Variants in RGS3 observed in about 807,000 individuals in gnomAD.
RGS3 encodes the protein regulator of G protein signaling 3.
A neutral mutation model predicts 132.6 loss-of-function variants in RGS3; 80 were observed. The observed-to-expected ratio is 0.60, with a 90% CI of 0.50 to 0.73. The LOEUF is 0.73. Among genes scored for constraint, RGS3 ranks in the 30% least tolerant of loss-of-function variants. The pLI, the probability that RGS3 is intolerant of heterozygous loss-of-function variation, is 0.00. For missense variants in RGS3, 1,382 were observed against 1,530.8 expected, an observed-to-expected ratio of 0.90 and a Z score of 1.62; for synonymous variants, 598 against 620.6, an observed-to-expected ratio of 0.96 and a Z score of 0.54.
chr9:113,479,654 C>A (rs1166282213), intron 4 of RGS3, 113 bp downstream of exon 2: 1 of 942,912 alleles, frequency 1.1e-6, no homozygotes. Context: ...TTTTCTCATC[C>A]TTGTATAAAG....
intron 19 of RGS3, chr9:113,564,937 TC>T: frequency 1.0e-6 from 1 of 995,630 alleles, no homozygotes; most frequent in East Asian, 1.1e-4. Flanking sequence ...CCTCGGTGCC[TC>T]GGTGATTGGC....
At chr9:113,566,991 G>C (rs1235162214) in intron 19 of RGS3, among the ~76,000 whole-genome samples, 1 of 152,322 alleles carries the variant, frequency 6.6e-6, no homozygotes, top group African/African-American at 2.4e-5. Context: ...TCAGGGAGCC[G>C]AGTTCCACAA....
chr9:113,583,257 A>G, intron 19 of RGS3, 193 bp from the exon 18 acceptor site: 2 of 1,006,026 alleles, frequency 2.0e-6, no homozygotes, highest in Non-Finnish European at 1.4e-6. Context: ...AGAAAGTTCA[A>G]GCAAGAAGAC....
intron 20 of RGS3, among the ~76,000 whole-genome samples, chr9:113,590,472 C>A (rs1377591235): frequency 6.8e-6 from 1 of 146,630 alleles, no homozygotes; most frequent in African/African-American, 2.5e-5. Flanking sequence ...ATCCATCCAC[C>A]CATCCATCCA....
chr9:113,559,168 C>T (rs1044971198), intron 19 of RGS3, among the ~76,000 whole-genome samples: 1 of 152,244 alleles, frequency 6.6e-6, no homozygotes, highest in African/African-American at 2.4e-5. Context: ...ACAGGCCTGG[C>T]CTCCCCGTAG....
At chr9:113,562,301 C>T (rs865811830) in intron 19 of RGS3, among the ~76,000 whole-genome samples, 3 of 152,016 alleles carry the variant, frequency 2.0e-5, no homozygotes, top group Non-Finnish European at 4.4e-5. Context: ...CATGGTGAAA[C>T]CCCACCTCTA....
intron 7 of RGS3, among the ~76,000 whole-genome samples, chr9:113,494,868 C>T (rs186212659): frequency 6.8e-6 from 1 of 148,140 alleles, no homozygotes; most frequent in Admixed American, 6.6e-5. Context: ...CTGAATTCTT[C>T]TTCTTCTTCT....
At chr9:113,450,455 G>A (rs1433333744) in intron 1 of RGS3, among the ~76,000 whole-genome samples, 1 of 152,170 alleles carries the variant, frequency 6.6e-6, no homozygotes, top group Non-Finnish European at 1.5e-5. Context: ...CTGCATTGGA[G>A]CTGCTCACAG....
At chr9:113,582,399 T>C (rs1032374919) in intron 19 of RGS3, 1 of 163,944 alleles carries the variant, frequency 6.1e-6, no homozygotes, top group African/African-American at 2.4e-5. Context: ...TTCCCAAGCA[T>C]CTGTTCAGTT....
chr9:113,521,049 T>C (rs1831929430), intron 16 of RGS3, among the ~76,000 whole-genome samples: 1 of 152,000 alleles, frequency 6.6e-6, no homozygotes, highest in Non-Finnish European at 1.5e-5. Context: ...ATGAGGGCAG[T>C]GGTGTTATTT....
intron 19 of RGS3, among the ~76,000 whole-genome samples, chr9:113,549,007 C>T (rs769266486): frequency 2.0e-5 from 3 of 152,230 alleles, no homozygotes; most frequent in Admixed American, 6.5e-5. Flanking sequence ...CCCTTGCTGA[C>T]TTGTCCTCCT....
intron 14 of RGS3, among the ~76,000 whole-genome samples, chr9:113,509,849 G>C (rs1461192008): frequency 6.6e-6 from 1 of 152,132 alleles, no homozygotes; most frequent in South Asian, 2.1e-4. Context: ...TCCGGTCTGG[G>C]GCATTTGGGC....
At chr9:113,445,415 T>C (rs2119130664) in intron 1 of RGS3, among the ~76,000 whole-genome samples, 1 of 152,120 alleles carries the variant, frequency 6.6e-6, no homozygotes, top group Non-Finnish European at 1.5e-5. Flanking sequence ...GTCAGGCTTG[T>C]CTCGAACTCT....
chr9:113,551,100 A>G (rs1438089956), intron 19 of RGS3, among the ~76,000 whole-genome samples: 1 of 152,244 alleles, frequency 6.6e-6, no homozygotes, highest in Non-Finnish European at 1.5e-5. Flanking sequence ...AAAAGAAATC[A>G]TACTACTTAG....
intron 19 of RGS3, among the ~76,000 whole-genome samples, chr9:113,553,317 C>G (rs1030708888): frequency 2.0e-5 from 3 of 149,526 alleles, no homozygotes; most frequent in African/African-American, 7.4e-5. Flanking sequence ...GTGGCATGTG[C>G]CTGGAGTCCC....
chr9:113,584,110 G>A, exon 20 of RGS3: 1 of 1,614,230 alleles, frequency 6.2e-7, no homozygotes, highest in Non-Finnish European at 8.5e-7. Flanking sequence ...GGACGAGGAT[G>A]AGGACACCAG....
At chr9:113,592,909 T>G (rs1394591625) in intron 21 of RGS3, 1 of 152,256 alleles carries the variant, frequency 6.6e-6, no homozygotes, top group Non-Finnish European at 1.5e-5. Flanking sequence ...ATATGTAATC[T>G]AATTTAATCT....
intron 8 of RGS3, 84 bp from the exon 7 acceptor site, chr9:113,497,230 C>A: frequency 9.2e-7 from 1 of 1,089,272 alleles, no homozygotes; most frequent in Non-Finnish European, 1.4e-6. Flanking sequence ...TGTCCAGTGG[C>A]TACTTTTGGA....
At chr9:113,553,459 A>AAAAAAAAAAAATATATAT (rs1426114805) in intron 19 of RGS3, among the ~76,000 whole-genome samples, 4 of 58,694 alleles carry the variant, frequency 6.8e-5, no homozygotes, top group South Asian at 5.8e-4. Context: ...AAAAAAAAAA[A>AAAAAAAAAAAATATATAT]ATATATATAT....
Sources: allele counts gnomAD v4.1 joint callset (sites outside exome capture counted in the v4.1 genomes callset), GRCh38; gene constraint gnomAD v4.1.1; transcripts MANE v1.5; gene names NCBI Gene and HGNC (gene_info 2026-07-23, HGNC 2026-07-21).